Variants in DOCK3 observed in about 807,000 individuals in gnomAD.
The protein encoded by DOCK3 is dedicator of cytokinesis protein 3.
A neutral mutation model predicts 265.6 loss-of-function variants in DOCK3; 60 were observed. That is an observed-to-expected ratio of 0.23 (90% CI 0.18 to 0.28). DOCK3 has a LOEUF of 0.28. Ranked by LOEUF, DOCK3 falls within the 10% of genes least tolerant of loss-of-function variation. The pLI, the probability that DOCK3 is intolerant of heterozygous loss-of-function variation, is 1.00. For missense variants in DOCK3, 1,981 were observed against 2,594.3 expected, an observed-to-expected ratio of 0.76 and a Z score of 5.14; for synonymous variants, 881 against 938.0, an observed-to-expected ratio of 0.94 and a Z score of 1.11.
Position 51,359,848 on chromosome 3 carries a change from G to T in DOCK3, c.4885-663G>T, listed in dbSNP as rs147735565. 6.6e-6 allele frequency among the ~76,000 whole-genome samples: 1 copy of T among 152,170 alleles called. No individual in the cohort carries two copies. Among genetic ancestry groups the T allele is most frequent in the Non-Finnish European group, 1.5e-5 (1 of 68,042 alleles). On this transcript the variant is annotated intron_variant, in intron 46 of 52. Transcript: ENST00000266037. This position sits in a 1 kb window ranked among gnomAD's most constrained non-coding sequence, Gnocchi z 4.8. Reference sequence around the variant, plus strand: ...CTGTTCACTACAGCTTTTGAAGGACGTGAGGAAACCTTAACAGTTGTTTCC... The same window carrying T: ...CTGTTCACTACAGCTTTTGAAGGACTTGAGGAAACCTTAACAGTTGTTTCC...
intron 1 of DOCK3, among the ~76,000 whole-genome samples, chr3:50,745,427 C>A (rs1430488510): frequency 1.3e-5 from 2 of 152,136 alleles, no homozygotes; most frequent in African/African-American, 4.8e-5. Context: ...GTCTTCCAAT[C>A]CATGAATATG....
At chr3:50,748,506 A>T (rs757739493) in intron 1 of DOCK3, among the ~76,000 whole-genome samples, 58 of 152,208 alleles carry the variant, frequency 3.8e-4, no homozygotes, top group Admixed American at 6.5e-4. Flanking sequence ...ATAGTCAGTT[A>T]AGAGTATGGA....
intron 1 of DOCK3, among the ~76,000 whole-genome samples, chr3:50,778,394 C>T (rs534483079): frequency 2.6e-5 from 4 of 152,150 alleles, no homozygotes; most frequent in Admixed American, 2.6e-4. Flanking sequence ...ACAGGATATC[C>T]AAGGGACAGA....
At chr3:51,227,710 T>G (rs995894018) in intron 16 of DOCK3, among the ~76,000 whole-genome samples, 2 of 152,212 alleles carry the variant, frequency 1.3e-5, no homozygotes, top group East Asian at 3.8e-4. Flanking sequence ...CTTTGAGTAT[T>G]CCTTTGTACC....
At chr3:51,252,863 T>C (rs1241383665) in intron 22 of DOCK3, among the ~76,000 whole-genome samples, 1 of 152,200 alleles carries the variant, frequency 6.6e-6, no homozygotes, top group Non-Finnish European at 1.5e-5. Context: ...TTTCTTTCTC[T>C]TGCCTGACTG....
At chr3:51,271,390 C>T (rs1441621674) in intron 24 of DOCK3, among the ~76,000 whole-genome samples, 2 of 152,130 alleles carry the variant, frequency 1.3e-5, no homozygotes, top group Non-Finnish European at 2.9e-5. Flanking sequence ...GGCCCACTTC[C>T]TGGTTCATAG....
intron 4 of DOCK3, among the ~76,000 whole-genome samples, chr3:50,905,043 C>T (rs982168566): frequency 6.6e-6 from 1 of 152,034 alleles, no homozygotes; most frequent in Non-Finnish European, 1.5e-5. Context: ...GCTTGTTTTT[C>T]TCAGCTTTGT....
intron 3 of DOCK3, among the ~76,000 whole-genome samples, chr3:50,874,047 T>C (rs1269943730): frequency 7.0e-6 from 1 of 141,954 alleles, no homozygotes; most frequent in Non-Finnish European, 1.5e-5. Flanking sequence ...AAGGTGTTTT[T>C]TTTTTTTTCT....
intron 1 of DOCK3, among the ~76,000 whole-genome samples, chr3:50,719,076 A>C (rs1204636092): frequency 6.6e-6 from 1 of 151,724 alleles, no homozygotes; most frequent in East Asian, 1.9e-4. Context: ...GAGCCACTGC[A>C]CCCGGCTGTG....
intron 4 of DOCK3, among the ~76,000 whole-genome samples, chr3:50,918,871 T>A (rs1293288866): frequency 1.3e-5 from 2 of 152,242 alleles, no homozygotes; most frequent in Non-Finnish European, 2.9e-5. Context: ...CTAGGTTTTC[T>A]TCTAGGGTTT....
At chr3:50,956,853 GTATTT>G (rs143060896) in intron 5 of DOCK3, among the ~76,000 whole-genome samples, 1 of 152,050 alleles carries the variant, frequency 6.6e-6, no homozygotes, top group Non-Finnish European at 1.5e-5. Context: ...GATGAGTATT[GTATTT>G]TATTTTATTT....
chr3:51,064,647 A>G, intron 6 of DOCK3, 51 bp downstream of exon 6: 2 of 1,598,932 alleles, frequency 1.3e-6, no homozygotes, highest in Non-Finnish European at 1.7e-6. Flanking sequence ...ATGATAACTC[A>G]GTCTTCAGGG....
At chr3:50,682,013 A>G (rs1576070190) in intron 1 of DOCK3, among the ~76,000 whole-genome samples, 5 of 152,362 alleles carry the variant, frequency 3.3e-5, no homozygotes, top group Admixed American at 3.3e-4. Context: ...TGAGTAGACT[A>G]ATGACTCCCT....
chr3:51,220,707 G>GTGTGTGTT (rs1553797713), intron 14 of DOCK3, among the ~76,000 whole-genome samples: 4 of 130,420 alleles, frequency 3.1e-5, no homozygotes, highest in Non-Finnish European at 6.2e-5. Flanking sequence ...GTGTGTGTGT[G>GTGTGTGTT]TGTATATATA....
At chr3:51,057,826 C>A (rs946891024) in intron 5 of DOCK3, among the ~76,000 whole-genome samples, 6 of 152,130 alleles carry the variant, frequency 3.9e-5, no homozygotes, top group African/African-American at 1.4e-4. Context: ...TTACTTAATC[C>A]ATTTCCTTCT....
intron 22 of DOCK3, among the ~76,000 whole-genome samples, chr3:51,253,172 G>T (rs74341722): frequency 6.6e-6 from 1 of 152,094 alleles, no homozygotes; most frequent in African/African-American, 2.4e-5. Flanking sequence ...ATGTTTATTG[G>T]TTTGCATATG....
intron 22 of DOCK3, among the ~76,000 whole-genome samples, chr3:51,255,901 C>G (rs1309083011): frequency 6.6e-6 from 1 of 152,202 alleles, no homozygotes; most frequent in Non-Finnish European, 1.5e-5. Flanking sequence ...CATCTTTGTT[C>G]TGTTGCTGGC....
chr3:51,144,752 T>G (rs2085221040), intron 9 of DOCK3, among the ~76,000 whole-genome samples: 1 of 152,234 alleles, frequency 6.6e-6, no homozygotes, highest in Non-Finnish European at 1.5e-5. Context: ...TGTTCACATT[T>G]ATATTCACAT....
intron 9 of DOCK3, among the ~76,000 whole-genome samples, chr3:51,120,264 A>G (rs955533687): frequency 6.6e-6 from 1 of 152,170 alleles, no homozygotes; most frequent in South Asian, 2.1e-4. Flanking sequence ...GGTCTACTCC[A>G]GATCCTGTTT....
Sources: allele counts gnomAD v4.1 joint callset (sites outside exome capture counted in the v4.1 genomes callset), GRCh38; gene constraint gnomAD v4.1.1; non-coding constraint Gnocchi (gnomAD v3.1); transcripts MANE v1.5; gene names NCBI Gene and HGNC (gene_info 2026-07-23, HGNC 2026-07-21).